The following CCDC83 variants were observed in gnomAD, a reference collection of about 807,000 sequenced individuals.
CCDC83 encodes the protein coiled-coil domain-containing protein 83.
CCDC83 carries 54 observed loss-of-function variants against 50.1 expected under a neutral mutation model. That is an observed-to-expected ratio of 1.08 (90% CI 0.87 to 1.35). The LOEUF (loss-of-function observed/expected upper bound fraction) is 1.35. Ranked by LOEUF, CCDC83 falls within the 40% of genes most tolerant of loss-of-function variation. CCDC83 has a pLI of 0.00. For synonymous variants in CCDC83, 161 were observed against 153.3 expected, an observed-to-expected ratio of 1.05 and a Z score of -0.37; for missense variants, 518 against 473.9, an observed-to-expected ratio of 1.09 and a Z score of -0.86.
chr11:85,898,750 T>C (rs548846658), intron 6 of CCDC83, among the ~76,000 whole-genome samples, 197 bp from the exon 7 acceptor site: 3 of 152,294 alleles, frequency 2.0e-5, no homozygotes, highest in Admixed American at 2.0e-4. Context: ...TCACCTGTAA[T>C]AGACAGTGTA....
chr11:85,867,511 A>T (rs913925278), intron 2 of CCDC83, among the ~76,000 whole-genome samples: 10 of 152,218 alleles, frequency 6.6e-5, no homozygotes, highest in African/African-American at 2.2e-4. Context: ...AAGAGAGAAG[A>T]GGCTTTCACC....
At chr11:85,904,283 C>T (rs1408922153) in intron 7 of CCDC83, among the ~76,000 whole-genome samples, 1 of 152,194 alleles carries the variant, frequency 6.6e-6, no homozygotes, top group Non-Finnish European at 1.5e-5. Flanking sequence ...TACGGTACAT[C>T]TATCATAATA....
In CCDC83 at chr11:85,916,028, A is replaced by G; in HGVS notation, c.875A>G (p.Glu292Gly). The change falls in exon 10 of 11, where the codon GAA becomes GGA. Residue 292 changes from glutamate (E) to glycine (G), a missense_variant and splice_region_variant. Glu to Gly is a moderately conservative substitution (Grantham distance 98). Transcript: ENST00000342404. ...ATTAATTCCTTTGTATTTATCCAAG[A>G]AGAGAAGTCAGAATTGCAACCCACA... ...MSLELPETHI[E>G]EKSELQPTEV... 2 of 1,594,174 alleles carry G rather than the reference A, an allele frequency of 1.3e-6. No individual in the cohort carries two copies. Among genetic ancestry groups the G allele is most frequent in the South Asian group, 1.1e-5 (1 of 89,234 alleles).
chr11:85,902,759 T>C lies in CCDC83; in HGVS notation c.672+3744T>C, dbSNP rs2093407980. ...TAGGACCCCTCCACCTTCCCCACCC[T>C]GCCACTTATACCAAAATCCAAGCAC... On this transcript the variant is annotated intron_variant, in intron 7 of 10. Coordinates refer to ENST00000342404, the MANE Select transcript of CCDC83 (RefSeq NM_001286159.2). Among the ~76,000 whole-genome samples, 4 of 152,096 alleles carry C rather than the reference T, an allele frequency of 2.6e-5. No homozygotes were observed. In the South Asian group the frequency reaches 8.3e-4, roughly 32 times the overall value.
intron 8 of CCDC83, among the ~76,000 whole-genome samples, chr11:85,912,130 T>G (rs941151293): frequency 2.6e-5 from 4 of 152,038 alleles, no homozygotes; most frequent in African/African-American, 4.8e-5. Context: ...CACACAAATG[T>G]AGGGTGCATG....
At position 85,882,668 on chromosome 11, in the gene CCDC83, C is replaced by T. The variant is rs768003679; in HGVS notation, c.336C>T (p.Asn112=). ...AGTTTGAAAGAGACCAGGAAAAAAA[C>T]TTGAGAGGTGATTTAGGAACATAGA... The part of the protein sequence containing the change: ...KWKFERDQEK[N]LRDMRMQISN... The change falls in exon 4 of 11, where the codon AAC becomes AAT. Residue 112 remains asparagine (N), a synonymous_variant. Coordinates refer to ENST00000342404, the MANE Select transcript of CCDC83 (RefSeq NM_001286159.2). 1 of 1,613,362 alleles carries T rather than the reference C, an allele frequency of 6.2e-7. No individual in the cohort carries two copies. The highest frequency in any genetic ancestry group is 8.5e-7 in the Non-Finnish European group (1 of 1,179,680).
intron 2 of CCDC83, 41 bp from the exon 3 acceptor site, chr11:85,873,170 G>A (rs781033272): frequency 9.3e-7 from 1 of 1,072,904 alleles, no homozygotes; most frequent in Admixed American, 2.6e-5. Flanking sequence ...CATTTCCTAA[G>A]ATAAATGATT....
intron 3 of CCDC83, among the ~76,000 whole-genome samples, chr11:85,879,435 C>A (rs2093286687): frequency 6.6e-6 from 1 of 152,028 alleles, no homozygotes; most frequent in African/African-American, 2.4e-5. Flanking sequence ...TGTCAAAAAT[C>A]AGTTCGACAT....
chr11:85,857,047 T>C (rs563498155), intron 1 of CCDC83, among the ~76,000 whole-genome samples: 160 of 152,278 alleles, frequency 1.1e-3, no homozygotes, highest in Non-Finnish European at 2.0e-3. Flanking sequence ...GATCGAGGCT[T>C]GGGCCCCTTC....
At chr11:85,881,787 G>A (rs887073940) in intron 3 of CCDC83, among the ~76,000 whole-genome samples, 2 of 152,076 alleles carry the variant, frequency 1.3e-5, no homozygotes, top group Non-Finnish European at 2.9e-5. Flanking sequence ...GTAAGGTGTG[G>A]TTTTTCTCTG....
At chr11:85,909,608 A>ATTTTTTTTTTTTT (rs1236462113) in intron 7 of CCDC83, among the ~76,000 whole-genome samples, 1 of 65,058 alleles carries the variant, frequency 1.5e-5, no homozygotes. Flanking sequence ...ATCAAAATAC[A>ATTTTTTTTTTTTT]CTTTTTTTTT....
rs192474210 is a variant in CCDC83 at position 85,889,806 on chromosome 11, G to C, written c.511+3439G>C. On this transcript the variant is annotated intron_variant, in intron 5 of 10. Transcript: ENST00000342404. ...GAGATCAAGTCAGGCTATTGTTGTG[G>C]GCTGGGAGGTTGCTGTAAGTGAAAG... is the stretch of plus-strand genomic sequence containing the variant. 2.0e-3 allele frequency among the ~76,000 whole-genome samples: 303 copies of C among 152,296 alleles called. 1 individual carries two copies. The highest frequency in any genetic ancestry group is 7.0e-3 in the African/African-American group (290 of 41,564).
chr11:85,918,999 G>T (rs1246385362), intron 10 of CCDC83, among the ~76,000 whole-genome samples: 1 of 152,130 alleles, frequency 6.6e-6, no homozygotes, highest in Non-Finnish European at 1.5e-5. Context: ...GTGAATTGGG[G>T]TCCCATGTTT....
intron 8 of CCDC83, 64 bp downstream of exon 8, chr11:85,911,466 T>G: frequency 2.9e-6 from 4 of 1,374,162 alleles, no homozygotes; most frequent in Non-Finnish European, 3.9e-6. Context: ...AAAAGTTGTT[T>G]TTTTAAAACA....
chr11:85,862,083 G>A (rs768109135), intron 1 of CCDC83, among the ~76,000 whole-genome samples: 3 of 151,382 alleles, frequency 2.0e-5, no homozygotes, highest in Non-Finnish European at 2.9e-5. Flanking sequence ...GTGCAGGAAG[G>A]GATACACTGT....
At chr11:85,877,227 T>C (rs1003043360) in intron 3 of CCDC83, among the ~76,000 whole-genome samples, 2 of 152,194 alleles carry the variant, frequency 1.3e-5, no homozygotes, top group African/African-American at 4.8e-5. Context: ...CCCAACACTT[T>C]GGGAGGCCAA....
At chr11:85,892,123 G>A (rs1477958587) in intron 5 of CCDC83, among the ~76,000 whole-genome samples, 1 of 152,202 alleles carries the variant, frequency 6.6e-6, no homozygotes, top group Non-Finnish European at 1.5e-5. Flanking sequence ...AACAGGCCAG[G>A]AGGAGTGAAC....
At chr11:85,915,016 A>G (rs2135148811) in intron 8 of CCDC83, among the ~76,000 whole-genome samples, 1 of 152,314 alleles carries the variant, frequency 6.6e-6, no homozygotes, top group East Asian at 1.9e-4. Context: ...CGCTCCCATA[A>G]TTCAATTACT....
At chr11:85,869,320 T>C (rs2093224427) in intron 2 of CCDC83, among the ~76,000 whole-genome samples, 1 of 152,230 alleles carries the variant, frequency 6.6e-6, no homozygotes, top group Non-Finnish European at 1.5e-5. Flanking sequence ...CAATACTAAA[T>C]CTATAAAGTG....
Sources: gnomAD v4.1 joint callset for allele counts (sites outside exome capture counted in the v4.1 genomes callset) on GRCh38, gnomAD v4.1.1 for gene constraint, MANE v1.5 for transcripts, NCBI Gene and HGNC (gene_info 2026-07-23, HGNC 2026-07-21) for gene names.